GABRG3: variants seen among roughly 807,000 people sequenced by gnomAD.
GABRG3 encodes gamma-aminobutyric acid receptor subunit gamma-3.
A neutral mutation model predicts 48.8 loss-of-function variants in GABRG3; 25 were observed. The observed-to-expected ratio is 0.51, with a 90% CI of 0.37 to 0.72. GABRG3 has a LOEUF of 0.72. GABRG3 is among the 30% of genes least tolerant of loss of function. GABRG3 has a pLI of 0.00. For synonymous variants in GABRG3, 227 were observed against 217.6 expected (o/e 1.04, Z -0.38); for missense variants, 394 against 577.9 (o/e 0.68, Z 3.26).
At chr15:27,171,037 G>T (rs965752978) in intron 3 of GABRG3, among the ~76,000 whole-genome samples, 11 of 152,190 alleles carry the variant, frequency 7.2e-5, no homozygotes, top group African/African-American at 2.7e-4. Flanking sequence ...AGAAAAGCAG[G>T]GAGCGGGGCA....
At chr15:27,355,915 T>C (rs1190899939) in intron 5 of GABRG3, among the ~76,000 whole-genome samples, 1 of 152,074 alleles carries the variant, frequency 6.6e-6, no homozygotes, top group African/African-American at 2.4e-5. Flanking sequence ...ATAGACAAAT[T>C]CATAGAGAAA....
At chr15:27,341,415 A>G (rs987069934) in intron 5 of GABRG3, among the ~76,000 whole-genome samples, 2 of 152,134 alleles carry the variant, frequency 1.3e-5, no homozygotes, top group Admixed American at 1.3e-4. Context: ...TCAAACTTGA[A>G]CCAAGCTGAG....
At chr15:27,308,578 A>G (rs569477600) in intron 3 of GABRG3, among the ~76,000 whole-genome samples, 4 of 147,630 alleles carry the variant, frequency 2.7e-5, no homozygotes, top group East Asian at 4.2e-4. Context: ...AACATAATGT[A>G]AACATACATT....
Position 27,328,872 on chromosome 15 carries a change from G to A in GABRG3, c.558G>A (p.Pro186=), listed in dbSNP as rs554943323. The A allele has an allele frequency of 1.7e-5, 27 of 1,613,962 alleles. No individual in the cohort carries two copies. In the East Asian group the frequency reaches 3.3e-4, roughly 20 times the overall value. The part of the protein sequence containing the change: ...HNFPMDEHSC[P]LIFSSYGYPK... ...TCCCCATGGACGAACACTCCTGCCC[G>A]CTGATTTTCTCCAGCTGTGAGTACC... The change falls in exon 5 of 10, where the codon CCG becomes CCA. Residue 186 remains proline, a synonymous_variant. Transcript: ENST00000615808.
chr15:27,196,720 C>T (rs1349225062), intron 3 of GABRG3, among the ~76,000 whole-genome samples: 1 of 152,186 alleles, frequency 6.6e-6, no homozygotes, highest in Non-Finnish European at 1.5e-5. Context: ...AACAGACGCA[C>T]AAAGAAGTTA....
At chr15:27,434,322 A>G (rs1426622193) in intron 5 of GABRG3, among the ~76,000 whole-genome samples, 1 of 152,210 alleles carries the variant, frequency 6.6e-6, no homozygotes, top group Non-Finnish European at 1.5e-5. Context: ...ATTCTAAAAA[A>G]TAACTTGTCC....
At chr15:27,069,451 C>T (rs539798904) in intron 3 of GABRG3, among the ~76,000 whole-genome samples, 31 of 152,296 alleles carry the variant, frequency 2.0e-4, no homozygotes, top group African/African-American at 6.0e-4. Context: ...TGCACTTCTA[C>T]GGTTCTACCG....
At chr15:27,227,116 ATGT>A (rs960232125) in intron 3 of GABRG3, among the ~76,000 whole-genome samples, 33 of 152,308 alleles carry the variant, frequency 2.2e-4, no homozygotes, top group African/African-American at 7.9e-4. Context: ...CTTGCATAGA[ATGT>A]TGTTGATTTA....
In GABRG3 at chr15:27,154,091, C is replaced by T. The variant is rs552241540; in HGVS notation, c.270+127270C>T. ...AGGAACTCCAAATTCTTTATTTTTG[C>T]CTCCCCTTCCTGTCTTTTGGCTTCC... On this transcript the variant is annotated intron_variant, in intron 3 of 9. Coordinates refer to ENST00000615808, the MANE Select transcript of GABRG3 (RefSeq NM_033223.5). Among the ~76,000 whole-genome samples the T allele has an allele frequency of 7.9e-4, 120 of 152,206 alleles. 4 individuals carry two copies. In the South Asian group the frequency reaches 0.024, roughly 30 times the overall value.
At chr15:27,259,267 T>C (rs1487478863) in intron 3 of GABRG3, among the ~76,000 whole-genome samples, 1 of 152,138 alleles carries the variant, frequency 6.6e-6, no homozygotes, top group Non-Finnish European at 1.5e-5. Context: ...TGCTGGGTCA[T>C]GTGGTGACTA....
intron 3 of GABRG3, among the ~76,000 whole-genome samples, chr15:27,090,116 C>T (rs1039393767): frequency 3.3e-5 from 5 of 152,208 alleles, no homozygotes; most frequent in Admixed American, 1.3e-4. Context: ...GAGCACTACA[C>T]GCTCAGTAGA....
chr15:27,010,128 A>G (rs1247636709), intron 2 of GABRG3, among the ~76,000 whole-genome samples: 1 of 152,116 alleles, frequency 6.6e-6, no homozygotes, highest in Non-Finnish European at 1.5e-5. Context: ...TAGTTTTTGT[A>G]GAGCCGGTGT....
intron 3 of GABRG3, among the ~76,000 whole-genome samples, chr15:27,313,258 GTGTGTATATATA>G (rs1255702500): frequency 2.3e-4 from 12 of 53,038 alleles, no homozygotes; most frequent in African/African-American, 8.2e-4. Context: ...GTGTGTGTGT[GTGTGTATATATA>G]TATATATATA....
At chr15:27,101,198 A>G (rs1473707195) in intron 3 of GABRG3, among the ~76,000 whole-genome samples, 2 of 152,246 alleles carry the variant, frequency 1.3e-5, no homozygotes, top group Non-Finnish European at 2.9e-5. Flanking sequence ...AAAACATAAT[A>G]GTTTTTACAG....
chr15:27,498,815 T>A (rs751095645), intron 6 of GABRG3, among the ~76,000 whole-genome samples: 24 of 152,064 alleles, frequency 1.6e-4, no homozygotes, highest in Admixed American at 3.3e-4. Flanking sequence ...CAGATGTGGG[T>A]TCATCTTTGA....
intron 2 of GABRG3, among the ~76,000 whole-genome samples, chr15:26,996,992 C>T (rs1262200677): frequency 1.3e-5 from 2 of 152,130 alleles, no homozygotes; most frequent in Non-Finnish European, 2.9e-5. Context: ...CTCTCTGAAT[C>T]TCTGTTAGTT....
At chr15:27,390,211 G>T (rs755848825) in intron 5 of GABRG3, among the ~76,000 whole-genome samples, 1 of 152,046 alleles carries the variant, frequency 6.6e-6, no homozygotes, top group Admixed American at 6.5e-5. Flanking sequence ...TGCTTCTTTC[G>T]TATATTACGC....
At chr15:27,327,108 C>G (rs777674873) in intron 4 of GABRG3, 79 bp downstream of exon 4, 6 of 1,209,404 alleles carry the variant, frequency 5.0e-6, no homozygotes, top group South Asian at 1.3e-5. Flanking sequence ...GAATGAGACC[C>G]TATTTTCATC....
intron 3 of GABRG3, among the ~76,000 whole-genome samples, chr15:27,214,049 C>G (rs17137668): frequency 6.6e-6 from 1 of 152,220 alleles, no homozygotes; most frequent in South Asian, 2.1e-4. Flanking sequence ...TTTGGCTTCG[C>G]TAAGATGTGT....
Sources: allele counts gnomAD v4.1 joint callset (sites outside exome capture counted in the v4.1 genomes callset), GRCh38; gene constraint gnomAD v4.1.1; transcripts MANE v1.5; gene names NCBI Gene and HGNC (gene_info 2026-07-23, HGNC 2026-07-21).